The following ACSS3 variants were observed in gnomAD, a reference collection of about 807,000 sequenced individuals.
ACSS3 encodes acyl-CoA synthetase short chain family member 3, also known as acyl-CoA synthetase short-chain family member 3, mitochondrial.
In ACSS3, 64 loss-of-function variants were observed where a neutral mutation model predicts 84.2. The observed-to-expected ratio is 0.76, with a 90% CI of 0.62 to 0.94. The LOEUF is 0.94. ACSS3 is among the 40% of genes least tolerant of loss of function. The pLI, the probability that ACSS3 is intolerant of heterozygous loss-of-function variation, is 0.00. For missense variants in ACSS3, 815 were observed against 867.6 expected (o/e 0.94, Z 0.76); for synonymous variants, 317 against 310.1 (o/e 1.02, Z -0.23).
At chr12:81,111,499 C>T (rs1883585844) in intron 2 of ACSS3, among the ~76,000 whole-genome samples, 1 of 152,172 alleles carries the variant, frequency 6.6e-6, no homozygotes, top group South Asian at 2.1e-4. Context: ...TCACTTAGCA[C>T]CATCCCCCTA....
chr12:81,153,463 A>G (rs373469605), intron 7 of ACSS3, among the ~76,000 whole-genome samples: 1 of 152,100 alleles, frequency 6.6e-6, no homozygotes, highest in African/African-American at 2.4e-5. Flanking sequence ...CAAATAATAC[A>G]CTTAAAGTGC....
In ACSS3 at chr12:81,199,410, C is replaced by T; in HGVS notation, c.1320C>T (p.Phe440=). The change falls in exon 9 of 16, where the codon TTC becomes TTT. Residue 440 remains phenylalanine, a synonymous_variant. Coordinates refer to ENST00000548058, the MANE Select transcript of ACSS3 (RefSeq NM_024560.4). ...CCCTGGAATGGTCCAAAAATGTCTT[C>T]AGAGTACCTGTCTTAGACCATTGGT... ...VETLEWSKNV[F]RVPVLDHWWQ... The T allele has an allele frequency of 1.2e-6, 2 of 1,613,680 alleles. No individual in the cohort carries two copies. Among genetic ancestry groups the T allele is most frequent in the Admixed American group, 1.7e-5 (1 of 59,978 alleles).
At chr12:81,232,821 GTCATT>G (rs2033510605) in intron 12 of ACSS3, among the ~76,000 whole-genome samples, 2 of 151,292 alleles carry the variant, frequency 1.3e-5, no homozygotes, top group South Asian at 4.2e-4. Context: ...TTATTCTACT[GTCATT>G]TCTAGACCAG....
At chr12:81,213,793 TTTCTCTTCTCTTCTC>T (rs751583733) in intron 9 of ACSS3, among the ~76,000 whole-genome samples, 2 of 30,860 alleles carry the variant, frequency 6.5e-5, no homozygotes, top group African/African-American at 1.2e-4. Flanking sequence ...TCTCTTCTCT[TTTCTCTTCTCTTCTC>T]TTCTCTTCTC....
At chr12:81,183,685 G>A (rs1008232639) in intron 8 of ACSS3, among the ~76,000 whole-genome samples, 9 of 151,948 alleles carry the variant, frequency 5.9e-5, no homozygotes, top group Admixed American at 4.6e-4. Flanking sequence ...CAAATCAAAA[G>A]CTGTCACAAG....
intron 13 of ACSS3, among the ~76,000 whole-genome samples, chr12:81,239,993 G>T (rs1358861607): frequency 6.6e-6 from 1 of 151,886 alleles, no homozygotes; most frequent in African/African-American, 2.4e-5. Context: ...TACTTGCTTT[G>T]TCTATGAAGT....
At chr12:81,169,610 C>T (rs572892560) in intron 7 of ACSS3, among the ~76,000 whole-genome samples, 1 of 152,036 alleles carries the variant, frequency 6.6e-6, no homozygotes, top group Admixed American at 6.6e-5. Context: ...TGAGCAATGT[C>T]TTTTATTGTT....
intron 2 of ACSS3, 80 bp downstream of exon 2, chr12:81,109,784 C>T (rs2121512627): frequency 8.7e-7 from 1 of 1,151,334 alleles, no homozygotes; most frequent in Non-Finnish European, 1.2e-6. Flanking sequence ...ATTGTAGAGC[C>T]TTCAATTCTC....
chr12:81,165,532 G>A (rs1018546325), intron 7 of ACSS3, among the ~76,000 whole-genome samples: 2 of 152,120 alleles, frequency 1.3e-5, no homozygotes, highest in African/African-American at 4.8e-5. Context: ...TGTAGTCCCA[G>A]CTACTTGGGA....
chr12:81,191,401 T>C (rs2031562552), intron 8 of ACSS3, among the ~76,000 whole-genome samples: 5 of 152,148 alleles, frequency 3.3e-5, no homozygotes, highest in Admixed American at 3.3e-4. Context: ...CTAATTTTCC[T>C]TTCTTATACT....
chr12:81,132,011 C>T (rs866294126), intron 2 of ACSS3, among the ~76,000 whole-genome samples: 18 of 152,152 alleles, frequency 1.2e-4, no homozygotes, highest in African/African-American at 4.1e-4. Context: ...TTTTGAAGTG[C>T]TGCTGGATTC....
chr12:81,096,650 C>A (rs553270251), intron 1 of ACSS3, among the ~76,000 whole-genome samples: 2 of 149,974 alleles, frequency 1.3e-5, no homozygotes, highest in South Asian at 2.1e-4. Context: ...GGCCCCAGTG[C>A]GTGATGTTCC....
rs1014812526 is a variant in ACSS3 at position 81,256,762 on chromosome 12, C to T, written c.*1840C>T. 2.6e-5 allele frequency: 4 copies of T among 152,078 alleles called. No homozygotes were observed. Among genetic ancestry groups the T allele is most frequent in the African/African-American group, 9.7e-5 (4 of 41,406 alleles). The allele number at this position is 152,078 out of a possible 1,614,324, so 9.4% of individuals were successfully genotyped here. A position where few individuals can be genotyped will look rare whatever the true frequency, so the allele number is the denominator to read the frequency against. On this transcript the variant is annotated 3_prime_UTR_variant, in exon 16 of 16. Coordinates refer to ENST00000548058, the MANE Select transcript of ACSS3 (RefSeq NM_024560.4). Reference sequence around the variant, plus strand: ...AATAAATGGCTTCTCAAAGTAAATTCCTATTTACTTAAATTGCCTTCTTGA... The same window carrying T: ...AATAAATGGCTTCTCAAAGTAAATTTCTATTTACTTAAATTGCCTTCTTGA...
chr12:81,078,069 T>C (rs1321467698), upstream of ACSS3: 3 of 1,438,652 alleles, frequency 2.1e-6, no homozygotes, highest in Non-Finnish European at 2.7e-6. Context: ...CCCCAGGAAG[T>C]TGCAAGAGTA....
chr12:81,159,382 A>G (rs1485705277), intron 7 of ACSS3, among the ~76,000 whole-genome samples: 1 of 152,200 alleles, frequency 6.6e-6, no homozygotes, highest in African/African-American at 2.4e-5. Context: ...TAATAAAGGA[A>G]TAAGTCAGGA....
At chr12:81,196,237 T>C (rs149095274) in intron 8 of ACSS3, among the ~76,000 whole-genome samples, 381 of 152,250 alleles carry the variant, frequency 2.5e-3, no homozygotes, top group African/African-American at 9.0e-3. Flanking sequence ...AAAGTCATGA[T>C]CTACCTCTAC....
At chr12:81,092,387 C>A (rs1403917294) in intron 1 of ACSS3, among the ~76,000 whole-genome samples, 1 of 151,924 alleles carries the variant, frequency 6.6e-6, no homozygotes, top group Non-Finnish European at 1.5e-5. Context: ...AGAGTAATAA[C>A]AAGTGATATG....
intron 8 of ACSS3, among the ~76,000 whole-genome samples, chr12:81,185,216 A>T (rs1267480887): frequency 6.6e-6 from 1 of 151,726 alleles, no homozygotes; most frequent in Non-Finnish European, 1.5e-5. Context: ...ATAATAATAA[A>T]GACTTTATGA....
intron 13 of ACSS3, among the ~76,000 whole-genome samples, chr12:81,251,901 C>T (rs913080476): frequency 2.0e-5 from 3 of 151,988 alleles, no homozygotes; most frequent in African/African-American, 4.8e-5. Context: ...TCTGATCTTG[C>T]ATCTCCTTCT....
Sources: gnomAD v4.1 joint callset for allele counts (sites outside exome capture counted in the v4.1 genomes callset) on GRCh38, gnomAD v4.1.1 for gene constraint, MANE v1.5 for transcripts, NCBI Gene and HGNC (gene_info 2026-07-23, HGNC 2026-07-21) for gene names.